Variants in FGD4 observed in about 807,000 individuals in gnomAD.
FGD4 encodes the protein FYVE, RhoGEF and PH domain-containing protein 4.
In FGD4, 42 loss-of-function variants were observed where a neutral mutation model predicts 102.0. The observed-to-expected ratio is 0.41, with a 90% CI of 0.32 to 0.53. The LOEUF is 0.53. FGD4 is among the 20% of genes least tolerant of loss of function. The pLI, the probability that FGD4 is intolerant of heterozygous loss-of-function variation, is 0.21. For synonymous variants in FGD4, 380 were observed against 375.7 expected (o/e 1.01, Z -0.13); for missense variants, 902 against 1,078.2 (o/e 0.84, Z 2.29).
At chr12:32,537,876 G>A (rs1270312430) in intron 1 of FGD4, among the ~76,000 whole-genome samples, 1 of 152,040 alleles carries the variant, frequency 6.6e-6, no homozygotes, top group African/African-American at 2.4e-5. Context: ...CTTTACTTTC[G>A]TTATAGCAGT....
intron 15 of FGD4, chr12:32,637,783 A>T (rs376463418): frequency 6.6e-6 from 1 of 152,042 alleles, no homozygotes; most frequent in Non-Finnish European, 1.5e-5. Context: ...AAACCATCAG[A>T]TCTCATGAGA....
chr12:32,537,046 C>A (rs1460728927), intron 1 of FGD4, among the ~76,000 whole-genome samples: 1 of 151,786 alleles, frequency 6.6e-6, no homozygotes, highest in East Asian at 1.9e-4. Context: ...GTAGCTGGGA[C>A]TACAGGCACC....
intron 1 of FGD4, among the ~76,000 whole-genome samples, chr12:32,561,070 G>GGTTTTTT (rs1944512299): frequency 1.1e-5 from 1 of 90,788 alleles, no homozygotes; most frequent in Non-Finnish European, 2.2e-5. Flanking sequence ...TCTTTGTTGG[G>GGTTTTTT]TTTTGTTTTT....
intron 4 of FGD4, among the ~76,000 whole-genome samples, chr12:32,597,047 T>C (rs1343079450): frequency 6.6e-6 from 1 of 152,048 alleles, no homozygotes; most frequent in Non-Finnish European, 1.5e-5. Flanking sequence ...ACAAAACAAC[T>C]GACAAAATAC....
intron 1 of FGD4, among the ~76,000 whole-genome samples, chr12:32,441,797 G>A (rs1255783959): frequency 6.6e-6 from 1 of 152,088 alleles, no homozygotes; most frequent in Non-Finnish European, 1.5e-5. Context: ...AAGCACTTTG[G>A]CCCTAGGTTT....
chr12:32,608,597 A>G (rs1268235879), intron 8 of FGD4, among the ~76,000 whole-genome samples: 2 of 152,222 alleles, frequency 1.3e-5, no homozygotes, highest in South Asian at 2.1e-4. Context: ...ATGTATTTCA[A>G]TTATGTTAGA....
intron 4 of FGD4, among the ~76,000 whole-genome samples, chr12:32,583,878 G>A (rs1946803480): frequency 6.6e-6 from 1 of 152,190 alleles, no homozygotes; most frequent in South Asian, 2.1e-4. Context: ...AGGAAGAGAA[G>A]GTTATAGAAC....
chr12:32,609,094 C>T (rs1948976192), intron 8 of FGD4, among the ~76,000 whole-genome samples: 3 of 152,088 alleles, frequency 2.0e-5, no homozygotes, highest in South Asian at 4.1e-4. Context: ...AAACTCCTGA[C>T]CTCAGATGAT....
At chr12:32,408,667 C>T (rs77167386) in intron 1 of FGD4, among the ~76,000 whole-genome samples, 9,532 of 152,214 alleles carry the variant, frequency 0.063, 424 homozygotes, top group Middle Eastern at 0.15. Context: ...CTTCTCACCC[C>T]GTCCTCACCA....
chr12:32,496,383 A>G (rs765647832), intron 1 of FGD4, among the ~76,000 whole-genome samples: 42 of 152,220 alleles, frequency 2.8e-4, no homozygotes, highest in Non-Finnish European at 8.8e-5. Flanking sequence ...TGTGTGATGT[A>G]TCTTTGCTGT....
chr12:32,415,412 CTCTT>C (rs1374838635), intron 1 of FGD4, among the ~76,000 whole-genome samples: 2 of 132,350 alleles, frequency 1.5e-5, no homozygotes, highest in Non-Finnish European at 3.1e-5. Context: ...GGATCTGTCT[CTCTT>C]TTTTTTTTTT....
intron 1 of FGD4, among the ~76,000 whole-genome samples, chr12:32,417,988 G>C (rs186568): frequency 1.5e-5 from 2 of 134,784 alleles, no homozygotes; most frequent in Admixed American, 7.8e-5. Flanking sequence ...ACAGAGTCTC[G>C]CTCTGTCGCC....
intron 1 of FGD4, among the ~76,000 whole-genome samples, chr12:32,480,363 C>T (rs1040093848): frequency 6.6e-5 from 10 of 151,698 alleles, no homozygotes; most frequent in Non-Finnish European, 1.5e-4. Flanking sequence ...GGGGTTTCAC[C>T]GTGTTAGCTA....
chr12:32,433,046 G>A (rs1265641998), intron 1 of FGD4, among the ~76,000 whole-genome samples: 11 of 151,752 alleles, frequency 7.2e-5, no homozygotes, highest in Non-Finnish European at 1.5e-4. Context: ...GCCCAGGCTG[G>A]AGTACAGTGG....
intron 4 of FGD4, among the ~76,000 whole-genome samples, chr12:32,596,908 C>T (rs1481743652): frequency 6.7e-6 from 1 of 149,646 alleles, no homozygotes; most frequent in Non-Finnish European, 1.5e-5. Context: ...GCACTCCAGC[C>T]TGGGCAACAA....
intron 1 of FGD4, among the ~76,000 whole-genome samples, chr12:32,451,151 T>G (rs1358373427): frequency 6.6e-6 from 1 of 152,212 alleles, no homozygotes; most frequent in Non-Finnish European, 1.5e-5. Flanking sequence ...TTAAATTGCA[T>G]TTTTTTGGTC....
intron 1 of FGD4, among the ~76,000 whole-genome samples, chr12:32,452,164 T>G (rs1279501454): frequency 1.3e-5 from 2 of 151,936 alleles, no homozygotes; most frequent in Non-Finnish European, 2.9e-5. Context: ...TCTATTCTAC[T>G]GAAGTAACTC....
chr12:32,525,285 G>C (rs1941026255), intron 1 of FGD4, among the ~76,000 whole-genome samples: 1 of 152,178 alleles, frequency 6.6e-6, no homozygotes, highest in African/African-American at 2.4e-5. Context: ...CTCATAACAA[G>C]GCTGTGAGAG....
chr12:32,644,651 G>C lies in FGD4; in HGVS notation c.*4118G>C, dbSNP rs895913893. ...AACAAGCAAGAATGAAGAGAGATGT[G>C]GGGGAGAGACTGCTGGTCTCCAGAC... On this transcript the variant is annotated 3_prime_UTR_variant, in exon 17 of 17. Coordinates refer to ENST00000534526, the MANE Select transcript of FGD4 (RefSeq NM_001370298.3). 1.3e-5 allele frequency: 2 copies of C among 152,016 alleles called. No homozygotes were observed. Among genetic ancestry groups the C allele is most frequent in the Non-Finnish European group, 2.9e-5 (2 of 67,980 alleles). The allele number at this position is 152,016 out of a possible 1,614,324, so 9.4% of individuals were successfully genotyped here.
Sources: gnomAD v4.1 joint callset for allele counts (sites outside exome capture counted in the v4.1 genomes callset) on GRCh38, gnomAD v4.1.1 for gene constraint, MANE v1.5 for transcripts, NCBI Gene and HGNC (gene_info 2026-07-23, HGNC 2026-07-21) for gene names.